EIF4E3: variants seen among roughly 807,000 people sequenced by gnomAD.
EIF4E3 encodes the protein eukaryotic translation initiation factor 4E family member 3.
Under a neutral mutation model 31.7 loss-of-function variants are expected in EIF4E3, and 26 were observed. The ratio of observed to expected loss-of-function variants is 0.82; its 90% CI spans 0.60 to 1.14. The LOEUF is 1.14. Among genes scored for constraint, EIF4E3 ranks in the 50% most tolerant of loss-of-function variants. EIF4E3 has a pLI of 0.00. For missense variants in EIF4E3, 304 were observed against 270.9 expected, an observed-to-expected ratio of 1.12 and a Z score of -0.86; for synonymous variants, 128 against 107.7, an observed-to-expected ratio of 1.19 and a Z score of -1.17.
At chr3:71,735,502 G>A (rs954398676) in intron 1 of EIF4E3, among the ~76,000 whole-genome samples, 2 of 152,216 alleles carry the variant, frequency 1.3e-5, no homozygotes, top group African/African-American at 4.8e-5. Context: ...TTCTCTGCAA[G>A]TTGAGGAGAC....
chr3:71,686,614 G>A (rs556093710), intron 6 of EIF4E3, among the ~76,000 whole-genome samples: 101 of 148,828 alleles, frequency 6.8e-4, no homozygotes, highest in African/African-American at 2.3e-3. Context: ...GGAAGATATC[G>A]AAGAAAACAC....
At chr3:71,700,595 C>T (rs2108050399) in intron 2 of EIF4E3, among the ~76,000 whole-genome samples, 2 of 133,158 alleles carry the variant, frequency 1.5e-5, no homozygotes, top group South Asian at 4.8e-4. Context: ...GCCTGGGCAA[C>T]AGGGCGAGAC....
intron 1 of EIF4E3, among the ~76,000 whole-genome samples, chr3:71,735,162 A>G (rs2049749523): frequency 6.6e-6 from 1 of 152,228 alleles, no homozygotes; most frequent in South Asian, 2.1e-4. Context: ...CATCTCATCT[A>G]AATGGGGAGA....
At chr3:71,750,083 G>A (rs973108149) in intron 1 of EIF4E3, among the ~76,000 whole-genome samples, 13 of 152,136 alleles carry the variant, frequency 8.5e-5, no homozygotes, top group African/African-American at 2.4e-4. Context: ...ATTTTGCACC[G>A]TAGATAGAAA....
In EIF4E3 at chr3:71,702,550, G is replaced by A. The variant is rs571120391; in HGVS notation, c.250-2842C>T. On this transcript the variant is annotated intron_variant, in intron 2 of 6. Transcript: ENST00000425534. ...GATTGGAGCTTTAGAAGCTTCTCTT[G>A]AAAACAAAAACAGACAACTGATTCT... Among the ~76,000 whole-genome samples the A allele has an allele frequency of 9.9e-5, 15 of 152,196 alleles. No individual in the cohort carries two copies. In the East Asian group the frequency reaches 2.5e-3, roughly 25 times the overall value.
At chr3:71,747,015 T>C (rs2049880781) in intron 1 of EIF4E3, among the ~76,000 whole-genome samples, 1 of 152,228 alleles carries the variant, frequency 6.6e-6, no homozygotes, top group Admixed American at 6.5e-5. Flanking sequence ...TGACATTTTA[T>C]TTATCCATCC....
chr3:71,700,944 G>C (rs563894706), intron 2 of EIF4E3, among the ~76,000 whole-genome samples: 1 of 152,252 alleles, frequency 6.6e-6, no homozygotes, highest in East Asian at 1.9e-4. Context: ...ACCATGACAG[G>C]CTTGGTGTCC....
upstream of EIF4E3, chr3:71,753,958 G>T: frequency 9.7e-7 from 1 of 1,026,082 alleles, no homozygotes; most frequent in South Asian, 4.4e-5. Flanking sequence ...GCCCAGGGCC[G>T]GCGGAGCGGC....
intron 1 of EIF4E3, among the ~76,000 whole-genome samples, chr3:71,744,267 A>G (rs1315019776): frequency 6.6e-6 from 1 of 152,182 alleles, no homozygotes; most frequent in African/African-American, 2.4e-5. Context: ...AAAATAAATG[A>G]TTTATTGAAA....
rs1187383107 is a variant in EIF4E3 at position 71,696,777 on chromosome 3, G to A, written c.345-257C>T. 1.0e-4 allele frequency among the ~76,000 whole-genome samples: 14 copies of A among 136,826 alleles called. 1 individual carries two copies. In the South Asian group the frequency reaches 2.4e-3, roughly 23 times the overall value. 89.8% of individuals were successfully genotyped at this position (136,826 alleles called of 152,430 possible). ...GTCACCCAGGCTGGAGTGCAGTGGC[G>A]CCATCTCGGCTCACTGCAAGCTCTG... On this transcript the variant is annotated intron_variant, in intron 3 of 6. Coordinates refer to ENST00000425534, the MANE Select transcript of EIF4E3 (RefSeq NM_001134651.2).
chr3:71,671,217 A>G (rs1334764863), downstream of EIF4E3, among the ~76,000 whole-genome samples: 1 of 152,134 alleles, frequency 6.6e-6, no homozygotes, highest in Non-Finnish European at 1.5e-5. Flanking sequence ...TCTCTGTTGC[A>G]GGAAAGGAAG....
chr3:71,725,437 G>C, upstream of EIF4E3: 1 of 853,018 alleles, frequency 1.2e-6, no homozygotes, highest in Non-Finnish European at 1.4e-6. The surrounding 1 kb of genome is among the most constrained non-coding windows in gnomAD (Gnocchi z 6.1). Flanking sequence ...GTCACCCCCG[G>C]CCCCCGCCCC....
chr3:71,700,912 A>C (rs914349658), intron 2 of EIF4E3, among the ~76,000 whole-genome samples: 2 of 152,108 alleles, frequency 1.3e-5, no homozygotes, highest in Non-Finnish European at 2.9e-5. Flanking sequence ...CTGGGAGGTA[A>C]TCAGGTCATG....
intron 2 of EIF4E3, among the ~76,000 whole-genome samples, chr3:71,707,460 T>TCTA (rs1342811026): frequency 2.0e-5 from 3 of 152,170 alleles, no homozygotes; most frequent in Non-Finnish European, 4.4e-5. Context: ...AAGAACTATA[T>TCTA]ACCATCTCAT....
intron 1 of EIF4E3, among the ~76,000 whole-genome samples, chr3:71,712,101 A>G (rs1180127341): frequency 6.6e-6 from 1 of 152,258 alleles, no homozygotes; most frequent in Non-Finnish European, 1.5e-5. Flanking sequence ...GTGCAGTCCA[A>G]TAAAGAAATC....
In EIF4E3 at chr3:71,679,777, G is replaced by A. The variant is rs1378221789; in HGVS notation, c.*4905C>T. The A allele has an allele frequency of 1.3e-5, 2 of 152,080 alleles. No homozygotes were observed. The highest frequency in any genetic ancestry group is 4.8e-5 in the African/African-American group (2 of 41,416). The allele number at this position is 152,080 out of a possible 1,614,324, so 9.4% of individuals were successfully genotyped here. On this transcript the variant is annotated 3_prime_UTR_variant, in exon 7 of 7. Coordinates refer to ENST00000425534, the MANE Select transcript of EIF4E3 (RefSeq NM_001134651.2). ...TTTGAAAGTGACAATTAATTTTAGTGGAAATTCATTCCCAGGCTACTTTGA... is the reference window on the plus strand; with the variant it reads ...TTTGAAAGTGACAATTAATTTTAGTAGAAATTCATTCCCAGGCTACTTTGA...
Position 71,699,601 on chromosome 3 carries a change from G to A in EIF4E3, c.344+13C>T, listed in dbSNP as rs775435072. The A allele has an allele frequency of 9.9e-6, 16 of 1,610,422 alleles. No homozygotes were observed. The highest frequency in any genetic ancestry group is 3.3e-5 in the Admixed American group (2 of 59,976). ...CTCCCACCTTGACCTTAAATTACACGTTAGACACTTACCAAAGTGGTCGCC... is the reference window on the plus strand; with the variant it reads ...CTCCCACCTTGACCTTAAATTACACATTAGACACTTACCAAAGTGGTCGCC... On this transcript the variant is annotated intron_variant, in intron 3 of 6. Transcript: ENST00000425534.
rs1040760383 is a variant in EIF4E3, at chr3:71,725,350, G to T, written c.18C>A (p.Ala6=). Residue 6 remains alanine, a synonymous_variant, in exon 1 of 7, where the codon GCC becomes GCA. Coordinates refer to ENST00000425534, the MANE Select transcript of EIF4E3 (RefSeq NM_001134651.2). The surrounding 1 kb of genome is among the most constrained non-coding windows in gnomAD (Gnocchi z 6.1). ...CCCGGGCCCCGGCGGGGGGCGCGGCGGCCGGGGGCAGCGCCATTTTCTCCG... is the reference window on the plus strand; with the variant it reads ...CCCGGGCCCCGGCGGGGGGCGCGGCTGCCGGGGGCAGCGCCATTTTCTCCG... MALPP[A]AAPPAGAREP... The T allele has an allele frequency of 5.2e-5, 51 of 974,916 alleles. No individual in the cohort carries two copies. The highest frequency in any genetic ancestry group is 6.0e-5 in the Non-Finnish European group (49 of 823,412). 60.4% of individuals were successfully genotyped at this position (974,916 alleles called of 1,614,324 possible).
At chr3:71,704,148 C>G (rs1180617050) in intron 2 of EIF4E3, among the ~76,000 whole-genome samples, 1 of 152,130 alleles carries the variant, frequency 6.6e-6, no homozygotes, top group East Asian at 1.9e-4. Flanking sequence ...AGAGAGAGCC[C>G]AAGTGTGGAG....
Sources: gnomAD v4.1 joint callset for allele counts (sites outside exome capture counted in the v4.1 genomes callset) on GRCh38, gnomAD v4.1.1 for gene constraint, Gnocchi (gnomAD v3.1) non-coding constraint, MANE v1.5 for transcripts, NCBI Gene and HGNC (gene_info 2026-07-23, HGNC 2026-07-21) for gene names.